Variants in MAGI1 observed in about 807,000 individuals in gnomAD.
The protein encoded by MAGI1 is membrane-associated guanylate kinase, WW and PDZ domain-containing protein 1.
Under a neutral mutation model 139.9 loss-of-function variants are expected in MAGI1, and 58 were observed. The observed-to-expected ratio is 0.41, with a 90% CI of 0.34 to 0.52. The LOEUF is 0.52. Ranked by LOEUF, MAGI1 falls within the 20% of genes least tolerant of loss-of-function variation. The probability of loss-of-function intolerance (pLI) is 0.12; values close to 1 mark genes in which losing one functional copy is unlikely to be tolerated. For missense variants in MAGI1, 1,874 were observed against 1,901.6 expected, an observed-to-expected ratio of 0.99 and a Z score of 0.27; for synonymous variants, 812 against 737.9, an observed-to-expected ratio of 1.10 and a Z score of -1.63.
chr3:65,539,166 T>A (rs2079093661), intron 2 of MAGI1, among the ~76,000 whole-genome samples: 1 of 151,842 alleles, frequency 6.6e-6, no homozygotes, highest in African/African-American at 2.4e-5. Flanking sequence ...CAGGCACACA[T>A]ATCAAGTACC....
chr3:65,825,088 G>T (rs1052963205), intron 1 of MAGI1, among the ~76,000 whole-genome samples: 1 of 152,154 alleles, frequency 6.6e-6, no homozygotes, highest in Non-Finnish European at 1.5e-5. Context: ...TGTATGAAGC[G>T]CTCTTAGAAA....
At chr3:65,608,086 G>A (rs1021135343) in intron 2 of MAGI1, among the ~76,000 whole-genome samples, 1 of 152,116 alleles carries the variant, frequency 6.6e-6, no homozygotes, top group Admixed American at 6.6e-5. Flanking sequence ...ATAAGCAATA[G>A]AATCAAAATT....
chr3:65,457,691 A>C (rs1255225994), intron 5 of MAGI1, among the ~76,000 whole-genome samples: 1 of 152,068 alleles, frequency 6.6e-6, no homozygotes, highest in Non-Finnish European at 1.5e-5. Flanking sequence ...AGGTGCACAT[A>C]TTTATGAGGT....
At chr3:65,979,282 G>C (rs1324950893) in intron 1 of MAGI1, among the ~76,000 whole-genome samples, 4 of 151,984 alleles carry the variant, frequency 2.6e-5, no homozygotes, top group South Asian at 4.2e-4. Context: ...ATCTTCAAAT[G>C]ATCACATTCC....
intron 2 of MAGI1, among the ~76,000 whole-genome samples, chr3:65,619,505 C>T (rs751972991): frequency 5.3e-5 from 8 of 152,068 alleles, no homozygotes; most frequent in Non-Finnish European, 1.0e-4. Flanking sequence ...TTCAAAATAC[C>T]GAAGTCAATG....
At chr3:65,735,217 G>A (rs2034611334) in intron 1 of MAGI1, among the ~76,000 whole-genome samples, 2 of 152,168 alleles carry the variant, frequency 1.3e-5, no homozygotes, top group South Asian at 2.1e-4. Flanking sequence ...GAGCCATGTA[G>A]ACTGCTTTAA....
chr3:65,766,319 G>A (rs1252355413), intron 1 of MAGI1, among the ~76,000 whole-genome samples: 2 of 152,100 alleles, frequency 1.3e-5, no homozygotes, highest in African/African-American at 2.4e-5. Context: ...CTGGCCTGGT[G>A]GACAACAGCT....
At chr3:65,534,291 G>A (rs2078850880) in intron 2 of MAGI1, among the ~76,000 whole-genome samples, 1 of 151,952 alleles carries the variant, frequency 6.6e-6, no homozygotes, top group Non-Finnish European at 1.5e-5. Context: ...GGACCAGCCT[G>A]GGCAAGATGG....
chr3:65,586,677 T>C (rs2081700405), intron 2 of MAGI1, among the ~76,000 whole-genome samples: 1 of 152,108 alleles, frequency 6.6e-6, no homozygotes, highest in Admixed American at 6.5e-5. Context: ...ACAAAAATAC[T>C]AAAATTTTGC....
chr3:65,885,404 A>G (rs1408754048), intron 1 of MAGI1, among the ~76,000 whole-genome samples: 1 of 152,104 alleles, frequency 6.6e-6, no homozygotes, highest in Admixed American at 6.6e-5. Flanking sequence ...TCTCAAAAAA[A>G]AAAAAAATAG....
intron 1 of MAGI1, among the ~76,000 whole-genome samples, chr3:65,792,022 T>A (rs2039807121): frequency 6.6e-6 from 1 of 151,712 alleles, no homozygotes; most frequent in Admixed American, 6.6e-5. Flanking sequence ...AGTCTACGTA[T>A]TTTTTTTCTA....
chr3:65,505,942 A>G (rs942634610), intron 2 of MAGI1, among the ~76,000 whole-genome samples: 1 of 152,174 alleles, frequency 6.6e-6, no homozygotes, highest in African/African-American at 2.4e-5. Flanking sequence ...TCCATAAATA[A>G]TAATAAATAG....
intron 1 of MAGI1, among the ~76,000 whole-genome samples, chr3:65,731,356 T>G (rs1467905710): frequency 1.3e-5 from 2 of 152,024 alleles, no homozygotes; most frequent in Non-Finnish European, 2.9e-5. Flanking sequence ...TCTAACAGCA[T>G]TTAAGGAAAT....
At chr3:65,855,366 G>A (rs1275633103) in intron 1 of MAGI1, among the ~76,000 whole-genome samples, 1 of 151,506 alleles carries the variant, frequency 6.6e-6, no homozygotes, top group East Asian at 2.0e-4. Flanking sequence ...ATTGATTGAG[G>A]CCAGGAGTCT....
intron 2 of MAGI1, among the ~76,000 whole-genome samples, chr3:65,605,503 A>T (rs1326014686): frequency 6.6e-6 from 1 of 152,164 alleles, no homozygotes; most frequent in African/African-American, 2.4e-5. Context: ...GCACAACTGT[A>T]AGAAGTGCTC....
intron 1 of MAGI1, among the ~76,000 whole-genome samples, chr3:66,032,623 T>C (rs2068681710): frequency 6.6e-6 from 1 of 151,142 alleles, no homozygotes; most frequent in South Asian, 2.1e-4. Context: ...AAACAGACAA[T>C]AAAGAAGAAA....
intron 12 of MAGI1, among the ~76,000 whole-genome samples, chr3:65,412,852 C>T (rs1559533468): frequency 6.6e-6 from 1 of 152,138 alleles, no homozygotes; most frequent in African/African-American, 2.4e-5. Flanking sequence ...CTTCCCATCA[C>T]CACAGATGAG....
At chr3:65,985,395 C>G (rs145011665) in intron 1 of MAGI1, among the ~76,000 whole-genome samples, 1 of 152,238 alleles carries the variant, frequency 6.6e-6, no homozygotes, top group African/African-American at 2.4e-5. Flanking sequence ...GAAATGTTCT[C>G]AATGGACTTT....
rs1258320520 is a variant in MAGI1 at position 65,697,714 on chromosome 3, G to A, written c.314-75626C>T. 1.8e-5 allele frequency among the ~76,000 whole-genome samples: 2 copies of A among 112,390 alleles called. 1 individual carries two copies. The highest frequency in any genetic ancestry group is 3.6e-5 in the Non-Finnish European group (2 of 55,466). The allele number at this position is 112,390 out of a possible 152,430, so 73.7% of individuals were successfully genotyped here. ...AACTCTCAATAAATTAGGTATTGAT[G>A]GGACATATCTCAAAATAATAAGAGC... On this transcript the variant is annotated intron_variant, in intron 1 of 22. Coordinates refer to ENST00000402939, the MANE Select transcript of MAGI1 (RefSeq NM_001033057.2).
Sources: allele counts gnomAD v4.1 joint callset (sites outside exome capture counted in the v4.1 genomes callset), GRCh38; gene constraint gnomAD v4.1.1; transcripts MANE v1.5; gene names NCBI Gene and HGNC (gene_info 2026-07-23, HGNC 2026-07-21).